The following KIF26B variants were observed in gnomAD, a reference collection of about 807,000 sequenced individuals.
KIF26B encodes the protein kinesin-like protein KIF26B.
In KIF26B, 63 loss-of-function variants were observed where a neutral mutation model predicts 151.2. The observed-to-expected ratio is 0.42, with a 90% CI of 0.34 to 0.51. The LOEUF is 0.51. Among genes scored for constraint, KIF26B ranks in the 20% least tolerant of loss-of-function variants. KIF26B has a pLI of 0.07. For missense variants in KIF26B, 2,813 were observed against 2,913.6 expected, an observed-to-expected ratio of 0.97 and a Z score of 0.79; for synonymous variants, 1,357 against 1,262.1, an observed-to-expected ratio of 1.08 and a Z score of -1.59.
chr1:245,176,903 T>C (rs78371807), intron 2 of KIF26B, among the ~76,000 whole-genome samples: 14,275 of 152,252 alleles, frequency 0.094, 865 homozygotes, highest in African/African-American at 0.17. Context: ...CTCTTTGCCA[T>C]AAAATCTTTA....
chr1:245,554,045 T>C (rs1377548531), intron 5 of KIF26B, among the ~76,000 whole-genome samples: 1 of 152,176 alleles, frequency 6.6e-6, no homozygotes, highest in Non-Finnish European at 1.5e-5. Context: ...CAAACCCACC[T>C]ACTTTTCCAG....
intron 2 of KIF26B, among the ~76,000 whole-genome samples, chr1:245,161,277 T>A (rs1668525690): frequency 6.6e-6 from 1 of 152,230 alleles, no homozygotes; most frequent in East Asian, 1.9e-4. Flanking sequence ...TAGCAAGCTG[T>A]GGAATAATGG....
intron 2 of KIF26B, among the ~76,000 whole-genome samples, chr1:245,280,112 C>T (rs1375152878): frequency 6.6e-6 from 1 of 152,004 alleles, no homozygotes; most frequent in African/African-American, 2.4e-5. Flanking sequence ...CTGCTGCTCC[C>T]CATTGGGCGC....
At position 245,667,887 on chromosome 1, in the gene KIF26B, GTTTGT is replaced by G. The variant is rs547725688; in HGVS notation, c.2259-16335_2259-16331del. ...CCTAATTCCTTAGCTGCTTCTGTTTGTTTGTTTTGTTTTGTGTTTTTGAGATGGAG... is the reference window on the plus strand; with the variant it reads ...CCTAATTCCTTAGCTGCTTCTGTTTGTTTGTTTTGTGTTTTTGAGATGGAG... On this transcript the variant is annotated intron_variant, in intron 10 of 14. Coordinates refer to ENST00000407071, the MANE Select transcript of KIF26B (RefSeq NM_018012.4). This position sits in a 1 kb window ranked among gnomAD's most constrained non-coding sequence, Gnocchi z 4.3. Among the ~76,000 whole-genome samples the G allele has an allele frequency of 6.6e-6, 1 of 152,068 alleles. No homozygotes were observed. The highest frequency in any genetic ancestry group is 1.5e-5 in the Non-Finnish European group (1 of 67,974).
intron 3 of KIF26B, among the ~76,000 whole-genome samples, chr1:245,378,690 A>G (rs1393180789): frequency 6.6e-6 from 1 of 152,210 alleles, no homozygotes; most frequent in African/African-American, 2.4e-5. Context: ...AATGACAAAG[A>G]AAACAGATCG....
chr1:245,249,274 A>G (rs11578255), intron 2 of KIF26B, among the ~76,000 whole-genome samples: 14,911 of 150,448 alleles, frequency 0.099, 935 homozygotes, highest in Middle Eastern at 0.15. Flanking sequence ...TTTTTTGTAT[A>G]TTTTTTAGAA....
chr1:245,406,130 G>A (rs1043997314), intron 3 of KIF26B, among the ~76,000 whole-genome samples: 7 of 152,126 alleles, frequency 4.6e-5, no homozygotes, highest in African/African-American at 9.7e-5. Context: ...CACAGGGCAC[G>A]TTCAGCCGCA....
chr1:245,274,327 G>T (rs569068568), intron 2 of KIF26B, among the ~76,000 whole-genome samples: 2 of 151,950 alleles, frequency 1.3e-5, no homozygotes, highest in East Asian at 3.9e-4. Flanking sequence ...TGCACCCATC[G>T]ATCCATCATC....
At chr1:245,303,442 C>T (rs898642427) in intron 2 of KIF26B, among the ~76,000 whole-genome samples, 2 of 150,818 alleles carry the variant, frequency 1.3e-5, no homozygotes, top group African/African-American at 2.5e-5. Flanking sequence ...TCGTGATCCG[C>T]CCGCCTCGGC....
intron 3 of KIF26B, among the ~76,000 whole-genome samples, chr1:245,400,512 T>C (rs2103026695): frequency 6.7e-6 from 1 of 148,614 alleles, no homozygotes; most frequent in East Asian, 2.0e-4. Context: ...TTTTTGAAAT[T>C]ACCTTGGCTA....
chr1:245,203,690 G>A (rs761408617), intron 2 of KIF26B, among the ~76,000 whole-genome samples: 1 of 152,208 alleles, frequency 6.6e-6, no homozygotes, highest in South Asian at 2.1e-4. Flanking sequence ...TTTTTGATGC[G>A]CTTCCTCTCC....
Position 245,685,764 on chromosome 1 carries a change from C to T in KIF26B, c.2781C>T (p.Ala927=), listed in dbSNP as rs777541540. The T allele has an allele frequency of 3.3e-5, 53 of 1,612,132 alleles. No individual in the cohort carries two copies. Among genetic ancestry groups the T allele is most frequent in the Non-Finnish European group, 4.2e-5 (50 of 1,179,374 alleles). The change falls in exon 12 of 15, where the codon GCC becomes GCT. Residue 927 remains alanine (A), a synonymous_variant. Coordinates refer to ENST00000407071, the MANE Select transcript of KIF26B (RefSeq NM_018012.4). The part of the protein sequence containing the change: ...ERDCLKCNTF[A]ELQERLDCID... ...ACTGCCTGAAGTGCAACACGTTTGC[C>T]GAGCTGCAGGAGAGGCTGGACTGCA... is the stretch of plus-strand genomic sequence containing the variant.
intron 4 of KIF26B, among the ~76,000 whole-genome samples, chr1:245,433,813 G>A (rs961517453): frequency 1.3e-5 from 2 of 152,082 alleles, no homozygotes; most frequent in African/African-American, 4.8e-5. Flanking sequence ...AGAAATAATG[G>A]CCCATGTCAT....
chr1:245,599,376 T>A (rs150558438), intron 5 of KIF26B, among the ~76,000 whole-genome samples: 191 of 152,310 alleles, frequency 1.3e-3, no homozygotes, highest in Non-Finnish European at 2.3e-3. Flanking sequence ...ACTGTGTGTA[T>A]CTCTTTGGCC....
intron 4 of KIF26B, among the ~76,000 whole-genome samples, chr1:245,445,397 A>C (rs975883830): frequency 6.6e-6 from 1 of 152,232 alleles, no homozygotes; most frequent in African/African-American, 2.4e-5. Flanking sequence ...TTAGAGATAT[A>C]GACTAAAATA....
At chr1:245,412,502 G>A (rs1445650120) in intron 3 of KIF26B, among the ~76,000 whole-genome samples, 2 of 152,132 alleles carry the variant, frequency 1.3e-5, no homozygotes, top group East Asian at 1.9e-4. Flanking sequence ...TAAGATGAAC[G>A]CCCATGCTGA....
intron 2 of KIF26B, among the ~76,000 whole-genome samples, chr1:245,327,487 C>G (rs1672013882): frequency 6.6e-6 from 1 of 152,186 alleles, no homozygotes; most frequent in Non-Finnish European, 1.5e-5. Context: ...AAACTTTTAG[C>G]TATGAAACAT....
intron 2 of KIF26B, among the ~76,000 whole-genome samples, chr1:245,355,336 A>C (rs565376746): frequency 2.6e-5 from 4 of 152,260 alleles, no homozygotes; most frequent in African/African-American, 9.6e-5. Context: ...TCTCCCAGTT[A>C]TGACAACCAA....
intron 4 of KIF26B, among the ~76,000 whole-genome samples, chr1:245,440,148 G>A (rs1487653717): frequency 1.3e-5 from 2 of 152,100 alleles, no homozygotes; most frequent in Admixed American, 1.3e-4. Flanking sequence ...GTGAACCTGG[G>A]AGGCGGAGCT....
Sources: allele counts gnomAD v4.1 joint callset (sites outside exome capture counted in the v4.1 genomes callset), GRCh38; gene constraint gnomAD v4.1.1; non-coding constraint Gnocchi (gnomAD v3.1); transcripts MANE v1.5; gene names NCBI Gene and HGNC (gene_info 2026-07-23, HGNC 2026-07-21).